The following LRP12 variants were observed in gnomAD, a reference collection of about 807,000 sequenced individuals.
LRP12 encodes low-density lipoprotein receptor-related protein 12.
LRP12 carries 14 observed loss-of-function variants against 66.0 expected under a neutral mutation model. The ratio of observed to expected loss-of-function variants is 0.21; its 90% CI spans 0.14 to 0.33. The LOEUF (loss-of-function observed/expected upper bound fraction) is 0.33, where lower values mean the gene tolerates loss of function less well. Ranked by LOEUF, LRP12 falls within the 10% of genes least tolerant of loss-of-function variation. The pLI is 1.00. For missense variants in LRP12, 889 were observed against 1,053.4 expected (o/e 0.84, Z 2.16); for synonymous variants, 357 against 359.1 (o/e 0.99, Z 0.07).
Position 104,491,818 on chromosome 8 carries a change from A to C in LRP12, c.1714-279T>G, listed in dbSNP as rs537310426. On this transcript the variant is annotated intron_variant, in intron 6 of 6. Transcript: ENST00000276654. Reference sequence around the variant, plus strand: ...TTAAAAATGATATTTAATGTAAATTATAACAGTTGTTTCAAAATCTCACAT... The same window carrying C: ...TTAAAAATGATATTTAATGTAAATTCTAACAGTTGTTTCAAAATCTCACAT... Among the ~76,000 whole-genome samples the C allele has an allele frequency of 2.0e-5, 3 of 152,216 alleles. No individual in the cohort carries two copies. In the East Asian group the frequency reaches 5.8e-4, roughly 29 times the overall value.
intron 1 of LRP12, among the ~76,000 whole-genome samples, chr8:104,585,804 AG>A (rs1812320480): frequency 6.6e-6 from 1 of 152,242 alleles, no homozygotes. Context: ...GGAGACAAAC[AG>A]AAGTGGAAAG....
intron 1 of LRP12, among the ~76,000 whole-genome samples, chr8:104,551,293 C>A (rs1161400203): frequency 6.6e-6 from 1 of 152,142 alleles, no homozygotes; most frequent in Non-Finnish European, 1.5e-5. Flanking sequence ...TCACATAGTA[C>A]ATTGTATTAG....
intron 1 of LRP12, among the ~76,000 whole-genome samples, chr8:104,551,998 A>C (rs1811732781): frequency 6.6e-6 from 1 of 152,316 alleles, no homozygotes; most frequent in East Asian, 1.9e-4. Context: ...TGATACTGTA[A>C]GTAAGAGGAG....
chr8:104,548,216 AAT>A (rs1410603541), intron 1 of LRP12, among the ~76,000 whole-genome samples: 4 of 106,234 alleles, frequency 3.8e-5, no homozygotes, highest in Non-Finnish European at 6.7e-5. Context: ...TATTTATATT[AAT>A]ATATGATATA....
intron 1 of LRP12, among the ~76,000 whole-genome samples, chr8:104,547,929 A>G (rs183131754): frequency 0.016 from 2,104 of 128,174 alleles, 74 homozygotes; most frequent in African/African-American, 0.057. Flanking sequence ...TATATAATAT[A>G]CAATTCAATG....
In LRP12 at chr8:104,524,192, A is replaced by G. The variant is rs186138156; in HGVS notation, c.136+7715T>C. On this transcript the variant is annotated intron_variant, in intron 2 of 6. Coordinates refer to ENST00000276654, the MANE Select transcript of LRP12 (RefSeq NM_013437.5). The stretch of plus-strand genomic sequence containing the variant: ...AGGAGGTGGAGGTTGCAGTGGGCTG[A>G]GATCATGCCGCTGCACTCCAGCCTG... Among the ~76,000 whole-genome samples the G allele has an allele frequency of 3.4e-5, 5 of 146,032 alleles. No homozygotes were observed. The East Asian group carries it at 1.0e-3, about 31-fold the overall frequency.
chr8:104,555,971 A>G (rs1303485249), intron 1 of LRP12, among the ~76,000 whole-genome samples: 2 of 152,242 alleles, frequency 1.3e-5, no homozygotes, highest in African/African-American at 4.8e-5. Context: ...CTTTTAGACT[A>G]CAGTGGAATA....
intron 1 of LRP12, among the ~76,000 whole-genome samples, chr8:104,553,175 T>C (rs1485291139): frequency 6.6e-6 from 1 of 152,204 alleles, no homozygotes; most frequent in Non-Finnish European, 1.5e-5. Context: ...AGAAGGAAAC[T>C]TCCAGTTGAA....
chr8:104,554,364 AT>A (rs529808051), intron 1 of LRP12, among the ~76,000 whole-genome samples: 19 of 150,628 alleles, frequency 1.3e-4, no homozygotes, highest in Admixed American at 1.3e-4. Context: ...CAACTTTAAG[AT>A]TTTTTTTTTA....
At chr8:104,509,123 G>A (rs767664242) in intron 2 of LRP12, 49 bp from the exon 3 acceptor site, 15 of 1,542,150 alleles carry the variant, frequency 9.7e-6, no homozygotes, top group Non-Finnish European at 1.3e-5. Context: ...CATTTAAATG[G>A]TATTAGGTAA....
intron 5 of LRP12, 196 bp from the exon 6 acceptor site, chr8:104,495,405 T>G: frequency 2.0e-6 from 1 of 512,436 alleles, no homozygotes; most frequent in Non-Finnish European, 3.4e-6. Flanking sequence ...GCAGTCTGTC[T>G]TCATAGGGCT....
intron 1 of LRP12, among the ~76,000 whole-genome samples, chr8:104,580,514 A>G (rs533032347): frequency 1.8e-4 from 27 of 152,146 alleles, no homozygotes; most frequent in African/African-American, 6.5e-4. Flanking sequence ...TGGGCGACAG[A>G]GCAAGACTCC....
rs760983685 is a variant in LRP12, at chr8:104,495,209, T to C, written c.1581A>G (p.Arg527=). 1.2e-6 allele frequency: 2 copies of C among 1,608,182 alleles called. No homozygotes were observed. Among genetic ancestry groups the C allele is most frequent in the Non-Finnish European group, 1.7e-6 (2 of 1,178,058 alleles). ...KLYSLRMFER[R]SFETQLSRVE... Reference sequence around the variant, plus strand: ...CTCTTGACAACTGTGTTTCAAATGATCTTTGAGAGTAGATGGAAAGAAAAA... The same window carrying C: ...CTCTTGACAACTGTGTTTCAAATGACCTTTGAGAGTAGATGGAAAGAAAAA... The change falls in exon 6 of 7, where the codon AGA becomes AGG. Residue 527 remains arginine, a splice_region_variant and synonymous_variant. Coordinates refer to ENST00000276654, the MANE Select transcript of LRP12 (RefSeq NM_013437.5).
rs1270870090 is a variant in LRP12 at position 104,491,493 on chromosome 8, C to T, written c.1760G>A (p.Gly587Glu). 6.2e-7 allele frequency: 1 copy of T among 1,613,642 alleles called. No individual in the cohort carries two copies. Among genetic ancestry groups the T allele is most frequent in the East Asian group, 2.2e-5 (1 of 44,852 alleles). Residue 587 changes from glycine (G) to glutamate (E), a missense_variant, in exon 7 of 7, where the codon GGA (glycine) becomes GAA (glutamate). Physicochemically the swap from Gly to Glu is moderately conservative, Grantham distance 98. Coordinates refer to ENST00000276654, the MANE Select transcript of LRP12 (RefSeq NM_013437.5). ...NLRLAVRSQL[G>E]FTSVRLPMAG... is the part of the protein sequence containing the mutation. Reference sequence around the variant, plus strand: ...CATAGGAAGCCTGACTGAAGTAAATCCAAGCTGAGATCGTACCGCTAGCCT... The same window carrying T: ...CATAGGAAGCCTGACTGAAGTAAATTCAAGCTGAGATCGTACCGCTAGCCT...
chr8:104,529,699 A>C (rs1249688783), intron 2 of LRP12, among the ~76,000 whole-genome samples: 1 of 152,242 alleles, frequency 6.6e-6, no homozygotes, highest in African/African-American at 2.4e-5. Flanking sequence ...GCACATTATA[A>C]AAACATACAT....
chr8:104,548,268 T>TATTA (rs1179250818), intron 1 of LRP12, among the ~76,000 whole-genome samples: 30 of 96,388 alleles, frequency 3.1e-4, no homozygotes, highest in Admixed American at 5.2e-4. Context: ...TAATATATGA[T>TATTA]ATATATTATA....
At position 104,540,224 on chromosome 8, in the gene LRP12, G is replaced by C. The variant is rs971577938; in HGVS notation, c.80-8261C>G. Among the ~76,000 whole-genome samples the C allele has an allele frequency of 5.3e-5, 8 of 152,078 alleles. No homozygotes were observed. The East Asian group carries it at 1.5e-3, about 29-fold the overall frequency. ...AGAGGCCATGTGAGGACACAGTAAG[G>C]AGGACACTGCATGCTAGGAAAAGAG... On this transcript the variant is annotated intron_variant, in intron 1 of 6. Coordinates refer to ENST00000276654, the MANE Select transcript of LRP12 (RefSeq NM_013437.5).
At chr8:104,548,190 AT>A (rs367856959) in intron 1 of LRP12, among the ~76,000 whole-genome samples, 4 of 82,874 alleles carry the variant, frequency 4.8e-5, no homozygotes, top group African/African-American at 6.2e-5. Context: ...TATAATATAT[AT>A]ATAAATATAT....
In LRP12 at chr8:104,491,326, T is replaced by G. The variant is rs764550406; in HGVS notation, c.1927A>C (p.Thr643Pro). ...STSREPERNH[T>P]HRSLFSVESD... is the part of the protein sequence containing the mutation. ...TCCACGGAAAACAAACTTCTGTGAGTATGATTTCTCTCAGGTTCTCTACTG... is the reference window on the plus strand; with the variant it reads ...TCCACGGAAAACAAACTTCTGTGAGGATGATTTCTCTCAGGTTCTCTACTG... The change falls in exon 7 of 7, where the codon ACT (threonine) becomes CCT (proline). Residue 643 changes from threonine to proline, a missense_variant. Around this residue, in one of 3 missense-constraint regions of LRP12, gnomAD observed 800 missense variants for 964.5 expected, o/e 0.83. Coordinates refer to ENST00000276654, the MANE Select transcript of LRP12 (RefSeq NM_013437.5). 5.6e-6 allele frequency: 9 copies of G among 1,614,156 alleles called. No homozygotes were observed. The highest frequency in any genetic ancestry group is 7.6e-6 in the Non-Finnish European group (9 of 1,180,018).
Sources: allele counts gnomAD v4.1 joint callset (sites outside exome capture counted in the v4.1 genomes callset), GRCh38; gene constraint gnomAD v4.1.1; regional missense constraint gnomAD v4.1.1; transcripts MANE v1.5; gene names NCBI Gene and HGNC (gene_info 2026-07-23, HGNC 2026-07-21).